SLC12A9: variants seen among roughly 807,000 people sequenced by gnomAD.
SLC12A9 encodes the protein solute carrier family 12 member 9.
In SLC12A9, 55 loss-of-function variants were observed where a neutral mutation model predicts 66.0. The observed-to-expected ratio is 0.83, with a 90% CI of 0.67 to 1.04. SLC12A9 has a LOEUF of 1.04. Ranked by LOEUF, SLC12A9 falls within the 50% of genes least tolerant of loss-of-function variation. SLC12A9 has a pLI of 0.00. For missense variants in SLC12A9, 1,061 were observed against 1,241.9 expected, an observed-to-expected ratio of 0.85 and a Z score of 2.19; for synonymous variants, 577 against 569.0, an observed-to-expected ratio of 1.01 and a Z score of -0.20.
intron 1 of SLC12A9, among the ~76,000 whole-genome samples, chr7:100,834,241 A>G (rs1433840015): frequency 6.6e-6 from 1 of 152,168 alleles, no homozygotes; most frequent in Non-Finnish European, 1.5e-5. Context: ...CGCCCCATTC[A>G]GAGAGCTGCC....
Position 100,866,038 on chromosome 7 carries a change from G to A in SLC12A9, c.2178G>A (p.Val726=), listed in dbSNP as rs369330565. The A allele has an allele frequency of 1.2e-6, 2 of 1,612,700 alleles. No individual in the cohort carries two copies. Among genetic ancestry groups the A allele is most frequent in the African/African-American group, 1.3e-5 (1 of 74,932 alleles). The change falls in exon 14 of 14, where the codon GTG becomes GTA. Residue 726 remains valine (V), a synonymous_variant. Transcript: ENST00000354161. The surrounding 1 kb of genome is among the most constrained non-coding windows in gnomAD (Gnocchi z 7.3). ...CCTCTCAGCTGCACCATGTGGACGT[G>A]TGGCCCCTCAACCTGCTGCGGCCCC... is the stretch of plus-strand genomic sequence containing the variant. ...GGTSQLHHVD[V]WPLNLLRPRG...
rs751964026 is a variant in SLC12A9, at chr7:100,854,170, T to C, written c.-28T>C. ...CTCCTTTGCAGGTCACCTAACCCAT[T>C]TGTGGCTTCCTCTACCTGTGCTCAG... On this transcript the variant is annotated 5_prime_UTR_variant, in exon 2 of 14. Coordinates refer to ENST00000354161, the MANE Select transcript of SLC12A9 (RefSeq NM_020246.4). 3.3e-6 allele frequency: 5 copies of C among 1,530,462 alleles called. No individual in the cohort carries two copies. The highest frequency in any genetic ancestry group is 1.4e-5 in the African/African-American group (1 of 71,230). 94.8% of individuals were successfully genotyped at this position (1,530,462 alleles called of 1,614,324 possible).
At chr7:100,851,784 C>CAAAAAAA (rs66749400), upstream of SLC12A9, among the ~76,000 whole-genome samples, 695 of 74,136 alleles carry the variant, frequency 9.4e-3, 22 homozygotes, top group Admixed American at 0.013. Flanking sequence ...GTTCCTGGAT[C>CAAAAAAA]AAAAAAAAAA....
At chr7:100,853,502 A>G (rs1814195610) in intron 1 of SLC12A9, 1 of 150,370 alleles carries the variant, frequency 6.7e-6, no homozygotes, top group Non-Finnish European at 1.5e-5. Context: ...CAGCCCACGG[A>G]CTTTTTTGAG....
upstream of SLC12A9, among the ~76,000 whole-genome samples, chr7:100,848,907 GAAAA>G (rs896882758): frequency 1.7e-5 from 2 of 119,636 alleles, no homozygotes; most frequent in Admixed American, 8.0e-5. Context: ...AAGAAAGAAA[GAAAA>G]GAAAGAAAGA....
At chr7:100,851,025 TA>T (rs552740316), upstream of SLC12A9, among the ~76,000 whole-genome samples, 110 of 151,676 alleles carry the variant, frequency 7.3e-4, no homozygotes, top group African/African-American at 2.5e-3. Flanking sequence ...GCCCAATTTT[TA>T]AAAAAAATTT....
intron 3 of SLC12A9, chr7:100,855,465 TAGTGAAGGAGATCAACATTGCCCTGCAC>T: frequency 2.2e-6 from 1 of 464,046 alleles, no homozygotes; most frequent in Non-Finnish European, 3.9e-6. Context: ...CAGGCTGGTA[TAGTGAAGGAGATCAACATTGCCCTGCAC>T]GTTGATGCCA....
chr7:100,858,856 C>T lies in SLC12A9; in HGVS notation c.779C>T (p.Thr260Ile). The T allele has an allele frequency of 2.5e-6, 4 of 1,614,200 alleles. No homozygotes were observed. The highest frequency in any genetic ancestry group is 3.4e-6 in the Non-Finnish European group (4 of 1,180,016). Reference protein sequence around the residue: ...NLGAGYAEDYTTGAVMNFASV... With the variant: ...NLGAGYAEDYITGAVMNFASV... Reference sequence around the variant, plus strand: ...CTAGCTGGCTATGCTGAGGACTACACCACGGGAGCCGTGATGAATTTTGCC... The same window carrying T: ...CTAGCTGGCTATGCTGAGGACTACATCACGGGAGCCGTGATGAATTTTGCC... The change falls in exon 6 of 14, where the codon ACC becomes ATC. Residue 260 changes from threonine to isoleucine, a missense_variant. Coordinates refer to ENST00000354161, the MANE Select transcript of SLC12A9 (RefSeq NM_020246.4).
chr7:100,856,842 C>G, intron 4 of SLC12A9, 26 bp from the exon 5 acceptor site: 12 of 1,549,204 alleles, frequency 7.7e-6, no homozygotes, highest in East Asian at 2.3e-5. Context: ...ATCGGGCCTT[C>G]TAACTCTGTC....
intron 1 of SLC12A9, among the ~76,000 whole-genome samples, chr7:100,836,680 T>G (rs1434290870): frequency 6.6e-6 from 1 of 152,032 alleles, no homozygotes; most frequent in Non-Finnish European, 1.5e-5. Context: ...TTTTGCCCCA[T>G]CAGCTGTTCT....
At chr7:100,834,498 A>T (rs1813605943) in intron 1 of SLC12A9, among the ~76,000 whole-genome samples, 1 of 152,094 alleles carries the variant, frequency 6.6e-6, no homozygotes, top group Admixed American at 6.5e-5. Flanking sequence ...CATCCAAGTG[A>T]CTATGTGGGT....
chr7:100,843,702 C>T (rs1813836604), intron 1 of SLC12A9, among the ~76,000 whole-genome samples: 1 of 152,220 alleles, frequency 6.6e-6, no homozygotes, highest in Non-Finnish European at 1.5e-5. Context: ...TCCCCCCATG[C>T]TGTGGTAACT....
chr7:100,855,184 G>T (rs750010774), intron 3 of SLC12A9, among the ~76,000 whole-genome samples: 5 of 152,136 alleles, frequency 3.3e-5, no homozygotes, highest in Non-Finnish European at 5.9e-5. Flanking sequence ...GTGCAGTGGC[G>T]CCATCATAGC....
At chr7:100,839,985 T>A (rs1813750605) in intron 1 of SLC12A9, among the ~76,000 whole-genome samples, 1 of 152,164 alleles carries the variant, frequency 6.6e-6, no homozygotes, top group Admixed American at 6.5e-5. Context: ...CCACTGCATT[T>A]AAGTGGAAGC....
intron 3 of SLC12A9, chr7:100,855,455 C>A: frequency 2.4e-6 from 1 of 425,036 alleles, no homozygotes; most frequent in South Asian, 2.3e-5. Flanking sequence ...GTGCAGCAGG[C>A]AGGCTGGTAT....
At chr7:100,842,516 G>A (rs1053357788) in intron 1 of SLC12A9, among the ~76,000 whole-genome samples, 5 of 152,160 alleles carry the variant, frequency 3.3e-5, no homozygotes, top group African/African-American at 9.7e-5. Flanking sequence ...TGCCCCCGAC[G>A]TAGAGCTTTC....
At chr7:100,855,641 A>G in intron 3 of SLC12A9, 65 bp from the exon 4 acceptor site, 2 of 1,607,846 alleles carry the variant, frequency 1.2e-6, no homozygotes, top group Non-Finnish European at 1.7e-6. Context: ...GCTTGGAGCT[A>G]TGGCAACTTC....
chr7:100,846,485 T>C (rs1813918465), intron 1 of SLC12A9, among the ~76,000 whole-genome samples: 1 of 151,468 alleles, frequency 6.6e-6, no homozygotes, highest in South Asian at 2.1e-4. Flanking sequence ...GAGAATGGCA[T>C]GAACCCAGGA....
At chr7:100,845,490 C>T (rs934687171) in intron 1 of SLC12A9, among the ~76,000 whole-genome samples, 20 of 152,118 alleles carry the variant, frequency 1.3e-4, no homozygotes, top group African/African-American at 4.3e-4. Flanking sequence ...GCTGGGACTA[C>T]AGGAGCCCGC....
Sources: allele counts gnomAD v4.1 joint callset (sites outside exome capture counted in the v4.1 genomes callset), GRCh38; gene constraint gnomAD v4.1.1; non-coding constraint Gnocchi (gnomAD v3.1); transcripts MANE v1.5; gene names NCBI Gene and HGNC (gene_info 2026-07-23, HGNC 2026-07-21).